Variants in MAGI2 observed in about 807,000 individuals in gnomAD.
MAGI2 encodes the protein membrane associated guanylate kinase, WW and PDZ domain containing 2, also known as membrane-associated guanylate kinase, WW and PDZ domain-containing protein 2.
In MAGI2, 35 loss-of-function variants were observed where a neutral mutation model predicts 133.3. That is an observed-to-expected ratio of 0.26 (90% CI 0.20 to 0.35). The LOEUF (loss-of-function observed/expected upper bound fraction) is 0.35. Among genes scored for constraint, MAGI2 ranks in the 10% least tolerant of loss-of-function variants. The probability of loss-of-function intolerance (pLI) is 1.00; values close to 1 mark genes in which losing one functional copy is unlikely to be tolerated. For missense variants in MAGI2, 1,636 were observed against 1,863.4 expected (o/e 0.88, Z 2.25); for synonymous variants, 729 against 710.6 (o/e 1.03, Z -0.41).
At chr7:78,900,521 T>C (rs1797543993) in intron 2 of MAGI2, among the ~76,000 whole-genome samples, 1 of 152,068 alleles carries the variant, frequency 6.6e-6, no homozygotes, top group Non-Finnish European at 1.5e-5. Flanking sequence ...GCCCTCTACC[T>C]ACAATATTCT....
At chr7:78,093,509 C>T (rs901846953) in intron 20 of MAGI2, among the ~76,000 whole-genome samples, 2 of 151,576 alleles carry the variant, frequency 1.3e-5, no homozygotes, top group Non-Finnish European at 2.9e-5. Context: ...ACCAACCTAA[C>T]ATATGTAGAA....
chr7:78,889,293 G>C (rs1453736878), intron 2 of MAGI2, among the ~76,000 whole-genome samples: 4 of 152,176 alleles, frequency 2.6e-5, no homozygotes, highest in Admixed American at 2.6e-4. Flanking sequence ...GAAACAAGTT[G>C]GAAAACACTT....
At chr7:78,132,850 A>G (rs762221592) in intron 18 of MAGI2, 39 bp downstream of exon 18, 18 of 1,613,664 alleles carry the variant, frequency 1.1e-5, no homozygotes, top group South Asian at 8.8e-5. Context: ...TCCCCACCCT[A>G]TCACCTCTCA....
chr7:78,799,351 T>C (rs1787873446), intron 2 of MAGI2, among the ~76,000 whole-genome samples: 1 of 152,112 alleles, frequency 6.6e-6, no homozygotes, highest in Admixed American at 6.6e-5. Flanking sequence ...ACTCTAATAA[T>C]AGAAGCAGGG....
At chr7:78,688,936 C>A (rs571662989) in intron 2 of MAGI2, among the ~76,000 whole-genome samples, 3 of 152,240 alleles carry the variant, frequency 2.0e-5, no homozygotes, top group African/African-American at 7.2e-5. Flanking sequence ...CAATAGAAGT[C>A]TATGAAAATA....
chr7:78,357,788 C>T (rs1233997810), intron 7 of MAGI2, among the ~76,000 whole-genome samples: 1 of 151,966 alleles, frequency 6.6e-6, no homozygotes, highest in Non-Finnish European at 1.5e-5. Flanking sequence ...TTAACCTTCT[C>T]AAACACAGAA....
At chr7:78,329,789 C>T (rs1788982978) in intron 9 of MAGI2, among the ~76,000 whole-genome samples, 1 of 152,128 alleles carries the variant, frequency 6.6e-6, no homozygotes, top group Non-Finnish European at 1.5e-5. Flanking sequence ...GATGAGCATC[C>T]TACGGCATAC....
chr7:79,129,482 T>G (rs1000422758), intron 1 of MAGI2, among the ~76,000 whole-genome samples: 2 of 152,218 alleles, frequency 1.3e-5, no homozygotes, highest in African/African-American at 4.8e-5. Context: ...CTTTCAGGAT[T>G]ATTAAATCCA....
chr7:79,205,930 T>G (rs1829013051), intron 1 of MAGI2, among the ~76,000 whole-genome samples: 1 of 151,184 alleles, frequency 6.6e-6, no homozygotes, highest in African/African-American at 2.4e-5. Flanking sequence ...AAAAAATCAC[T>G]TAACCAATAA....
rs77521683 is a variant in MAGI2 at position 78,037,809 on chromosome 7, T to C, written c.3707-17833A>G. Among the ~76,000 whole-genome samples the C allele has an allele frequency of 6.4e-3, 970 of 152,256 alleles. 12 individuals are homozygous for C. The highest frequency in any genetic ancestry group is 0.022 in the African/African-American group (931 of 41,522). ...GCCAAAGGATGGCTGAAAAAAGATCTCAGAGCTGAGGGGAGAGGATTTATG... is the reference window on the plus strand; with the variant it reads ...GCCAAAGGATGGCTGAAAAAAGATCCCAGAGCTGAGGGGAGAGGATTTATG... On this transcript the variant is annotated intron_variant, in intron 21 of 21. Transcript: ENST00000354212.
At chr7:79,032,828 T>C (rs551715225) in intron 1 of MAGI2, among the ~76,000 whole-genome samples, 1 of 151,910 alleles carries the variant, frequency 6.6e-6, no homozygotes, top group East Asian at 1.9e-4. Flanking sequence ...CAAGCAACTT[T>C]TAAACTTTTC....
rs550769619 is a variant in MAGI2 at position 79,001,732 on chromosome 7, G to A, written c.418+5358C>T. Among the ~76,000 whole-genome samples the A allele has an allele frequency of 1.3e-4, 20 of 152,134 alleles. No individual in the cohort carries two copies. In the South Asian group the frequency reaches 2.3e-3, roughly 17 times the overall value. ...TTGCAAATTAATCCAATATTCTTCC[G>A]TATTAATTCTATTAATTTCTTTCAT... On this transcript the variant is annotated intron_variant, in intron 2 of 21. Coordinates refer to ENST00000354212, the MANE Select transcript of MAGI2 (RefSeq NM_012301.4).
intron 2 of MAGI2, among the ~76,000 whole-genome samples, chr7:78,878,616 TA>T (rs1304287904): frequency 6.6e-6 from 1 of 152,214 alleles, no homozygotes; most frequent in African/African-American, 2.4e-5. Context: ...TTATTACCAA[TA>T]AAAAATATTC....
chr7:79,004,277 T>TA (rs1005056487), intron 2 of MAGI2, among the ~76,000 whole-genome samples: 3 of 151,776 alleles, frequency 2.0e-5, no homozygotes, highest in Admixed American at 2.0e-4. Flanking sequence ...TCTTCAACCA[T>TA]AAAAAAAATA....
intron 9 of MAGI2, among the ~76,000 whole-genome samples, chr7:78,280,558 A>C (rs989348323): frequency 6.6e-6 from 1 of 152,186 alleles, no homozygotes; most frequent in East Asian, 1.9e-4. Flanking sequence ...ATGTGTCAGC[A>C]CATAGAATCT....
At chr7:78,229,127 A>G (rs569819599) in intron 10 of MAGI2, among the ~76,000 whole-genome samples, 1 of 152,246 alleles carries the variant, frequency 6.6e-6, no homozygotes, top group Non-Finnish European at 1.5e-5. Context: ...CCAAACTCAA[A>G]AGAAATGGAT....
At chr7:78,378,224 A>G (rs1326251603) in intron 6 of MAGI2, among the ~76,000 whole-genome samples, 2 of 152,096 alleles carry the variant, frequency 1.3e-5, no homozygotes, top group Admixed American at 1.3e-4. Flanking sequence ...TGAAATAAAC[A>G]AAAAGGTAAA....
chr7:78,023,320 C>T (rs1393806729), intron 21 of MAGI2, among the ~76,000 whole-genome samples: 2 of 152,132 alleles, frequency 1.3e-5, no homozygotes, highest in Non-Finnish European at 2.9e-5. Flanking sequence ...TTCCTTCAGA[C>T]GATGTTTTTC....
At chr7:78,109,298 C>T (rs1283077836) in intron 20 of MAGI2, among the ~76,000 whole-genome samples, 6 of 45,780 alleles carry the variant, frequency 1.3e-4, no homozygotes, top group African/African-American at 5.8e-4. Flanking sequence ...AGCAAGACTC[C>T]GTCTCAAAAA....
Sources: gnomAD v4.1 joint callset for allele counts (sites outside exome capture counted in the v4.1 genomes callset) on GRCh38, gnomAD v4.1.1 for gene constraint, MANE v1.5 for transcripts, NCBI Gene and HGNC (gene_info 2026-07-23, HGNC 2026-07-21) for gene names.